The following CCDC39 variants were observed in gnomAD, a reference collection of about 807,000 sequenced individuals.
The protein encoded by CCDC39 is coiled-coil domain-containing protein 39.
In CCDC39, 113 loss-of-function variants were observed where a neutral mutation model predicts 121.0. That is an observed-to-expected ratio of 0.93 (90% CI 0.80 to 1.09). The LOEUF (loss-of-function observed/expected upper bound fraction) is 1.09, where lower values mean the gene tolerates loss of function less well. Among genes scored for constraint, CCDC39 ranks in the 50% least tolerant of loss-of-function variants. The pLI is 0.00. For missense variants in CCDC39, 1,063 were observed against 1,074.7 expected (o/e 0.99, Z 0.15); for synonymous variants, 349 against 352.2 (o/e 0.99, Z 0.10).
At chr3:180,630,527 C>A (rs1320273459) in intron 14 of CCDC39, among the ~76,000 whole-genome samples, 2 of 152,104 alleles carry the variant, frequency 1.3e-5, no homozygotes, top group Admixed American at 1.3e-4. Flanking sequence ...AAGGTGTGAA[C>A]TGGAAGATGA....
intron 14 of CCDC39, 115 bp from the exon 15 acceptor site, chr3:180,620,085 A>C: frequency 1.1e-5 from 8 of 714,478 alleles, no homozygotes; most frequent in Non-Finnish European, 1.7e-5. Context: ...AGTTTATCTC[A>C]TGGCCTACAT....
intron 6 of CCDC39, among the ~76,000 whole-genome samples, chr3:180,658,979 C>T (rs1711662731): frequency 6.6e-6 from 1 of 152,098 alleles, no homozygotes; most frequent in Admixed American, 6.6e-5. Context: ...TGCAGTATTC[C>T]CCGCTTCCAA....
chr3:180,664,076 T>C, intron 1 of CCDC39, 90 bp from the exon 2 acceptor site: 2 of 1,189,814 alleles, frequency 1.7e-6, no homozygotes, highest in South Asian at 2.9e-5. Flanking sequence ...AATTTTCATT[T>C]ACATTGTCTT....
intron 9 of CCDC39, among the ~76,000 whole-genome samples, chr3:180,651,110 G>A (rs1052642557): frequency 1.6e-4 from 25 of 151,976 alleles, no homozygotes; most frequent in African/African-American, 5.1e-4. Flanking sequence ...CAGGAGAATC[G>A]CTTGAACTTG....
In CCDC39 at chr3:180,614,534, T is replaced by C. The variant is rs578025584; in HGVS notation, c.*387A>G. ...GGTGTCTTGTAGGGTAAATGAGATT[T>C]TCACATTGCAATACGCTCATAATAG... On this transcript the variant is annotated 3_prime_UTR_variant, in exon 20 of 20. Coordinates refer to ENST00000476379, the MANE Select transcript of CCDC39 (RefSeq NM_181426.2). The C allele has an allele frequency of 6.4e-6, 1 of 156,836 alleles. No homozygotes were observed. Among genetic ancestry groups the C allele is most frequent in the South Asian group, 2.0e-4 (1 of 5,102 alleles). 9.7% of individuals were successfully genotyped at this position (156,836 alleles called of 1,614,324 possible).
intron 16 of CCDC39, 150 bp from the exon 17 acceptor site, chr3:180,617,116 G>C: frequency 1.8e-6 from 1 of 562,140 alleles, no homozygotes; most frequent in Non-Finnish European, 3.0e-6. Flanking sequence ...TGACATCTCG[G>C]TCAATGATGG....
intron 14 of CCDC39, among the ~76,000 whole-genome samples, chr3:180,623,629 C>T (rs371085947): frequency 4.6e-5 from 7 of 151,924 alleles, no homozygotes; most frequent in African/African-American, 1.7e-4. Flanking sequence ...TTTGCTCTAT[C>T]CCACAGGTTT....
At chr3:180,643,337 A>T (rs547837342) in intron 12 of CCDC39, among the ~76,000 whole-genome samples, 1 of 152,320 alleles carries the variant, frequency 6.6e-6, no homozygotes, top group East Asian at 1.9e-4. Flanking sequence ...AAAATGGGCC[A>T]AGAATACAAA....
At chr3:180,640,094 G>A (rs114151668) in intron 13 of CCDC39, among the ~76,000 whole-genome samples, 1,885 of 152,138 alleles carry the variant, frequency 0.012, 22 homozygotes, top group South Asian at 0.061. Flanking sequence ...GAATTACAAT[G>A]GGGTACAAAG....
At chr3:180,665,473 GA>G (rs1391369203) in intron 1 of CCDC39, among the ~76,000 whole-genome samples, 1 of 151,772 alleles carries the variant, frequency 6.6e-6, no homozygotes, top group Non-Finnish European at 1.5e-5. Flanking sequence ...TTCAATTTAA[GA>G]AAAAAATACT....
At chr3:180,655,967 A>C (rs1711567485) in intron 6 of CCDC39, among the ~76,000 whole-genome samples, 1 of 152,172 alleles carries the variant, frequency 6.6e-6, no homozygotes, top group South Asian at 2.1e-4. Context: ...TAATCACAGG[A>C]GATTGGGGGA....
At chr3:180,626,962 G>A (rs569531541) in intron 14 of CCDC39, among the ~76,000 whole-genome samples, 16 of 152,238 alleles carry the variant, frequency 1.1e-4, no homozygotes, top group African/African-American at 3.9e-4. Flanking sequence ...TTGAAAAACA[G>A]ACTTACATTG....
intron 7 of CCDC39, 115 bp from the exon 8 acceptor site, chr3:180,652,381 AG>A (rs1392547530): frequency 1.9e-6 from 1 of 528,012 alleles, no homozygotes; most frequent in African/African-American, 2.0e-5. Flanking sequence ...CACCCACAAA[AG>A]TAGTAGCCAT....
chr3:180,657,212 A>G (rs1342706732), intron 6 of CCDC39, among the ~76,000 whole-genome samples: 1 of 152,184 alleles, frequency 6.6e-6, no homozygotes, highest in African/African-American at 2.4e-5. Flanking sequence ...TTATTCTCAT[A>G]TAGCAGTTGT....
intron 9 of CCDC39, among the ~76,000 whole-genome samples, chr3:180,648,903 G>A (rs1718136067): frequency 6.6e-6 from 1 of 152,096 alleles, no homozygotes; most frequent in African/African-American, 2.4e-5. Context: ...TTCCACTAAA[G>A]GCAGAGTTGG....
At chr3:180,658,562 ACTC>A (rs1711646188) in intron 6 of CCDC39, among the ~76,000 whole-genome samples, 1 of 151,672 alleles carries the variant, frequency 6.6e-6, no homozygotes, top group Non-Finnish European at 1.5e-5. Context: ...AGGTCACTGC[ACTC>A]CAGCCTTGGT....
Position 180,619,890 on chromosome 3 carries a change from G to T in CCDC39, c.2079C>A (p.Tyr693Ter), listed in dbSNP as rs376782159. The change falls in exon 15 of 20, where the codon TAC (tyrosine) becomes TAA (stop). Residue 693 changes from tyrosine to a stop codon, truncating the protein, a stop_gained. Coordinates refer to ENST00000476379, the MANE Select transcript of CCDC39 (RefSeq NM_181426.2). LOFTEE classifies it high-confidence loss of function. ...AKINKAEKEI[Y>*]ALENTLQVLN... ...GCACTTGAAGGGTATTTTCTAGAGC[G>T]TAGATTTCTTTTTCAGCTTTGTTGA... 6.2e-7 allele frequency: 1 copy of T among 1,609,758 alleles called. No homozygotes were observed. The highest frequency in any genetic ancestry group is 1.1e-5 in the South Asian group (1 of 90,708).
At chr3:180,648,750 C>A (rs1718132483) in intron 9 of CCDC39, among the ~76,000 whole-genome samples, 1 of 152,198 alleles carries the variant, frequency 6.6e-6, no homozygotes, top group Non-Finnish European at 1.5e-5. Flanking sequence ...CAATCTCCCA[C>A]CTTTCAAGCA....
chr3:180,670,840 G>A (rs940377194), intron 1 of CCDC39, among the ~76,000 whole-genome samples: 1 of 152,214 alleles, frequency 6.6e-6, no homozygotes, highest in Non-Finnish European at 1.5e-5. Flanking sequence ...CAGGGATGAA[G>A]GGGAAGCAGC....
Sources: gnomAD v4.1 joint callset for allele counts (sites outside exome capture counted in the v4.1 genomes callset) on GRCh38, gnomAD v4.1.1 for gene constraint, MANE v1.5 for transcripts, NCBI Gene and HGNC (gene_info 2026-07-23, HGNC 2026-07-21) for gene names.